Variants in KCNT2 observed in about 807,000 individuals in gnomAD.
KCNT2 encodes potassium sodium-activated channel subfamily T member 2.
Under a neutral mutation model 153.8 loss-of-function variants are expected in KCNT2, and 67 were observed. That is an observed-to-expected ratio of 0.44 (90% confidence interval 0.36 to 0.53). The LOEUF is 0.53. Ranked by LOEUF, KCNT2 falls within the 20% of genes least tolerant of loss-of-function variation. KCNT2 has a pLI of 0.00. For synonymous variants in KCNT2, 500 were observed against 458.8 expected, an observed-to-expected ratio of 1.09 and a Z score of -1.15; for missense variants, 975 against 1,354.8, an observed-to-expected ratio of 0.72 and a Z score of 4.40.
At chr1:196,283,366 C>T (rs1185598456) in intron 23 of KCNT2, among the ~76,000 whole-genome samples, 1 of 151,958 alleles carries the variant, frequency 6.6e-6, no homozygotes, top group Non-Finnish European at 1.5e-5. Context: ...CCCCGGGGGG[C>T]AGAGCTTGCA....
At chr1:196,403,714 C>T (rs768345161) in intron 12 of KCNT2, among the ~76,000 whole-genome samples, 4 of 150,684 alleles carry the variant, frequency 2.7e-5, no homozygotes, top group Non-Finnish European at 5.9e-5. Flanking sequence ...TCTCTGTAAA[C>T]CTAAAATGGC....
intron 1 of KCNT2, among the ~76,000 whole-genome samples, chr1:196,596,617 T>C (rs1005591890): frequency 9.2e-5 from 14 of 152,152 alleles, no homozygotes; most frequent in African/African-American, 2.9e-4. Flanking sequence ...ATTGGTTAAA[T>C]CCACAGAAGC....
chr1:196,461,967 C>T (rs1225807390), intron 8 of KCNT2, among the ~76,000 whole-genome samples: 2 of 151,574 alleles, frequency 1.3e-5, no homozygotes, highest in Non-Finnish European at 3.0e-5. Flanking sequence ...TGTAAGATTC[C>T]TGAACAATAT....
At chr1:196,534,612 ACT>A (rs1655330359) in intron 1 of KCNT2, among the ~76,000 whole-genome samples, 1 of 152,156 alleles carries the variant, frequency 6.6e-6, no homozygotes, top group Non-Finnish European at 1.5e-5. Context: ...TCATCTTTAG[ACT>A]TTAAAATCAT....
At chr1:196,503,939 C>T (rs1018350568) in intron 1 of KCNT2, among the ~76,000 whole-genome samples, 1 of 152,118 alleles carries the variant, frequency 6.6e-6, no homozygotes, top group African/African-American at 2.4e-5. Context: ...GTATGTAATG[C>T]ACTTGCTTAA....
intron 8 of KCNT2, among the ~76,000 whole-genome samples, chr1:196,463,710 T>C (rs1419925079): frequency 6.6e-6 from 1 of 151,776 alleles, no homozygotes; most frequent in Non-Finnish European, 1.5e-5. Flanking sequence ...AAATTTCATA[T>C]AAATAATGAA....
At chr1:196,496,235 C>T (rs1680239530) in intron 1 of KCNT2, among the ~76,000 whole-genome samples, 2 of 151,864 alleles carry the variant, frequency 1.3e-5, no homozygotes, top group East Asian at 1.9e-4. Flanking sequence ...TTTGGGAGGC[C>T]GAGGCGGGTG....
In KCNT2 at chr1:196,367,294, C is replaced by T. The variant is rs116219844; in HGVS notation, c.1403+5846G>A. 9.3e-3 allele frequency among the ~76,000 whole-genome samples: 1,421 copies of T among 152,172 alleles called. 13 individuals are homozygous for T. Among genetic ancestry groups the T allele is most frequent in the Non-Finnish European group, 0.014 (955 of 67,990 alleles). On this transcript the variant is annotated intron_variant, in intron 14 of 27. Transcript: ENST00000294725. ...AATATTTATTTTAGCAGAATGATTG[C>T]ATCACCAAATTTGAGCTCTCTCTTT...
intron 2 of KCNT2, among the ~76,000 whole-genome samples, 167 bp downstream of exon 2, chr1:196,492,094 GT>G (rs1558003659): frequency 1.3e-5 from 2 of 151,948 alleles, no homozygotes; most frequent in African/African-American, 4.8e-5. Context: ...TTTCTAAAAT[GT>G]TACCACCTGC....
intron 3 of KCNT2, among the ~76,000 whole-genome samples, chr1:196,487,409 A>AGTGTGTGTGTGTGT (rs56943556): frequency 0.25 from 36,395 of 146,248 alleles, 5,440 homozygotes; most frequent in East Asian, 0.49. Context: ...CATGTTATGG[A>AGTGTGTGTGTGTGT]GTGTGTGTGT....
intron 26 of KCNT2, among the ~76,000 whole-genome samples, chr1:196,254,359 A>G (rs1442137358): frequency 6.6e-6 from 1 of 151,534 alleles, no homozygotes; most frequent in Non-Finnish European, 1.5e-5. Context: ...GAAAAGCTAA[A>G]TGATATATCT....
chr1:196,267,861 A>T (rs1657698639), intron 25 of KCNT2, among the ~76,000 whole-genome samples: 1 of 152,120 alleles, frequency 6.6e-6, no homozygotes, highest in Non-Finnish European at 1.5e-5. Context: ...CAGGAAGGAA[A>T]AGTTTCCCCT....
intron 13 of KCNT2, among the ~76,000 whole-genome samples, chr1:196,397,028 T>C (rs553843079): frequency 6.6e-6 from 1 of 151,682 alleles, no homozygotes; most frequent in Non-Finnish European, 1.5e-5. Context: ...GAACACTTAA[T>C]ATGTTTCAGA....
intron 14 of KCNT2, among the ~76,000 whole-genome samples, chr1:196,344,596 G>T (rs1458447610): frequency 1.3e-5 from 2 of 152,114 alleles, no homozygotes; most frequent in Non-Finnish European, 2.9e-5. Flanking sequence ...GATGGTGCTG[G>T]TAATTCATCA....
intron 26 of KCNT2, among the ~76,000 whole-genome samples, chr1:196,255,889 T>C (rs1656441720): frequency 6.6e-6 from 1 of 151,918 alleles, no homozygotes; most frequent in African/African-American, 2.4e-5. Flanking sequence ...CTAACCTGTA[T>C]ATCAGAAAAT....
rs1653486000 is a variant in KCNT2 at position 196,226,312 on chromosome 1, C to T, written c.*1912G>A. Reference sequence around the variant, plus strand: ...TGACTCTTGATATGCAAATATAAAACAAGTTCATAAAATTTATTGTTTTTC... The same window carrying T: ...TGACTCTTGATATGCAAATATAAAATAAGTTCATAAAATTTATTGTTTTTC... On this transcript the variant is annotated 3_prime_UTR_variant, in exon 28 of 28. Coordinates refer to ENST00000294725, the MANE Select transcript of KCNT2 (RefSeq NM_198503.5). The T allele has an allele frequency of 6.6e-6, 1 of 151,876 alleles. No homozygotes were observed. Among genetic ancestry groups the T allele is most frequent in the East Asian group, 1.9e-4 (1 of 5,198 alleles). 9.4% of individuals were successfully genotyped at this position (151,876 alleles called of 1,614,324 possible).
At position 196,281,395 on chromosome 1, in the gene KCNT2, G is replaced by C. The variant is rs6704279; in HGVS notation, c.2782-407C>G. Reference sequence around the variant, plus strand: ...GCATATGGAAACTATTTTGCATGCTGCAATAACTGGAGGCTGACACTGGTA... The same window carrying C: ...GCATATGGAAACTATTTTGCATGCTCCAATAACTGGAGGCTGACACTGGTA... On this transcript the variant is annotated intron_variant, in intron 24 of 27. Transcript: ENST00000294725. Among the ~76,000 whole-genome samples the C allele has an allele frequency of 4.6e-3, 694 of 152,276 alleles. 4 individuals carry two copies. Among genetic ancestry groups the C allele is most frequent in the African/African-American group, 0.015 (628 of 41,558 alleles).
At chr1:196,342,420 C>CTATATATATATATATATATATATG (rs1665734085) in intron 14 of KCNT2, among the ~76,000 whole-genome samples, 192 bp from the exon 15 acceptor site, 17 of 132,756 alleles carry the variant, frequency 1.3e-4, no homozygotes, top group East Asian at 2.1e-4. Context: ...ATTTTGAATA[C>CTATATATATATATATATATATATG]TATATATATA....
chr1:196,599,996 G>T (rs573159622), intron 1 of KCNT2, among the ~76,000 whole-genome samples: 3 of 151,812 alleles, frequency 2.0e-5, no homozygotes, highest in African/African-American at 4.8e-5. Flanking sequence ...TTTCATTTAC[G>T]TTAATGATTT....
Sources: allele counts gnomAD v4.1 joint callset (sites outside exome capture counted in the v4.1 genomes callset), GRCh38; gene constraint gnomAD v4.1.1; transcripts MANE v1.5; gene names NCBI Gene and HGNC (gene_info 2026-07-23, HGNC 2026-07-21).